COL3A1: variants seen among roughly 807,000 people sequenced by gnomAD.
COL3A1 encodes the protein collagen alpha-1(III) chain.
In COL3A1, 46 loss-of-function variants were observed where a neutral mutation model predicts 200.9. The ratio of observed to expected loss-of-function variants is 0.23; its 90% CI spans 0.18 to 0.29. The LOEUF (loss-of-function observed/expected upper bound fraction) is 0.29. Among genes scored for constraint, COL3A1 ranks in the 10% least tolerant of loss-of-function variants. COL3A1 has a pLI of 1.00. For synonymous variants in COL3A1, 650 were observed against 628.0 expected (o/e 1.03, Z -0.52); for missense variants, 1,367 against 1,917.6 (o/e 0.71, Z 5.36).
Position 189,011,800 on chromosome 2 carries a change from A to C in COL3A1, c.*26A>C, listed in dbSNP as rs532080916. 4 of 1,610,916 alleles carry C rather than the reference A, an allele frequency of 2.5e-6. No individual in the cohort carries two copies. The highest frequency in any genetic ancestry group is 1.7e-5 in the Admixed American group (1 of 59,938). Reference sequence around the variant, plus strand: ...ACCAAACTCTATCTGAAATCCCAACAAAAAAAATTTAACTCCATATGTGTT... The same window carrying C: ...ACCAAACTCTATCTGAAATCCCAACCAAAAAAATTTAACTCCATATGTGTT... On this transcript the variant is annotated 3_prime_UTR_variant, in exon 51 of 51. Coordinates refer to ENST00000304636, the MANE Select transcript of COL3A1 (RefSeq NM_000090.4).
Position 189,009,112 on chromosome 2 carries a change from C to G in COL3A1, c.3714C>G (p.Leu1238=), listed in dbSNP as rs1403603042. The G allele has an allele frequency of 1.2e-6, 2 of 1,614,144 alleles. No homozygotes were observed. Among genetic ancestry groups the G allele is most frequent in the Non-Finnish European group, 1.7e-6 (2 of 1,180,026 alleles). The part of the protein sequence containing the change: ...KINTDEIMTS[L]KSVNGQIESL... The stretch of plus-strand genomic sequence containing the variant: ...ACACCGATGAGATTATGACTTCACT[C>G]AAGTCTGTTAATGGACAAATAGAAA... Residue 1238 remains leucine (L), a synonymous_variant, in exon 48 of 51, where the codon CTC becomes CTG. Coordinates refer to ENST00000304636, the MANE Select transcript of COL3A1 (RefSeq NM_000090.4).
In COL3A1 at chr2:188,990,088, C is replaced by G. The variant is rs749433733; in HGVS notation, c.691-8C>G. The G allele has an allele frequency of 5.0e-6, 8 of 1,612,992 alleles. No homozygotes were observed. In the African/African-American group the frequency reaches 1.1e-4, roughly 22 times the overall value. ...GAGCACCTACGTATTCTTTATTTCT[C>G]TACCTAGGGAGAATCAGGTAGACCC... On this transcript the variant is annotated splice_region_variant and splice_polypyrimidine_tract_variant and intron_variant, in intron 8 of 50. Coordinates refer to ENST00000304636, the MANE Select transcript of COL3A1 (RefSeq NM_000090.4).
chr2:189,002,941 G>C lies in COL3A1; in HGVS notation c.2446-14G>C. 1 of 1,529,054 alleles carries C rather than the reference G, an allele frequency of 6.5e-7. No homozygotes were observed. The highest frequency in any genetic ancestry group is 8.9e-7 in the Non-Finnish European group (1 of 1,126,396). The allele number at this position is 1,529,054 out of a possible 1,614,324, so 94.7% of individuals were successfully genotyped here. On this transcript the variant is annotated splice_polypyrimidine_tract_variant and intron_variant, in intron 35 of 50. Coordinates refer to ENST00000304636, the MANE Select transcript of COL3A1 (RefSeq NM_000090.4). ...GAGTGTCAGCTGAGAGATTGCTGTT[G>C]TTGTTGCATGTAGGGACAGAATGGT... is the stretch of plus-strand genomic sequence containing the variant.
chr2:188,992,344 TCTCTA>T, intron 14 of COL3A1, 116 bp downstream of exon 14: 1 of 894,148 alleles, frequency 1.1e-6, no homozygotes, highest in Non-Finnish European at 1.8e-6. Context: ...CATATGTATA[TCTCTA>T]ATATACACAT....
rs184159112 is a variant in COL3A1, at chr2:189,003,098, T to C, written c.2553+36T>C. On this transcript the variant is annotated intron_variant, in intron 36 of 50. Coordinates refer to ENST00000304636, the MANE Select transcript of COL3A1 (RefSeq NM_000090.4). ...TCCTCTTTCTCTGTCTATCTATCTA[T>C]CATCTATCTATCTATTGATTATCTG... is the stretch of plus-strand genomic sequence containing the variant. 5.8e-5 allele frequency: 84 copies of C among 1,437,136 alleles called. No individual in the cohort carries two copies. The East Asian group carries it at 1.3e-3, about 22-fold the overall frequency. The allele number at this position is 1,437,136 out of a possible 1,614,324, so 89.0% of individuals were successfully genotyped here. A position where few individuals can be genotyped will look rare whatever the true frequency, so the allele number is the denominator to read the frequency against.
At chr2:189,009,321 T>C (rs938303403) in intron 48 of COL3A1, 100 bp downstream of exon 48, 1 of 1,410,932 alleles carries the variant, frequency 7.1e-7, no homozygotes, top group African/African-American at 1.4e-5. Flanking sequence ...AATGGAAAGC[T>C]GAAATAGTAC....
intron 1 of COL3A1, 95 bp downstream of exon 1, chr2:188,974,663 C>T (rs1206160614): frequency 1.0e-6 from 1 of 954,342 alleles, no homozygotes; most frequent in Non-Finnish European, 1.7e-6. Context: ...TTGCCTGATT[C>T]AAGATAATTT....
chr2:188,990,971 T>A, intron 10 of COL3A1, 33 bp from the exon 11 acceptor site: 2 of 1,602,422 alleles, frequency 1.2e-6, no homozygotes, highest in Non-Finnish European at 1.7e-6. Flanking sequence ...TTAACAGATT[T>A]TAATAATTTT....
At chr2:189,001,621 T>TTAACCCCA (rs766515149) in intron 34 of COL3A1, 32 bp downstream of exon 34, 1 of 1,613,054 alleles carries the variant, frequency 6.2e-7, no homozygotes, top group Non-Finnish European at 8.5e-7. Flanking sequence ...AACATACTTT[T>TTAACCCCA]TAACCCCATA....
intron 40 of COL3A1, 110 bp downstream of exon 40, chr2:189,004,474 G>C: frequency 1.0e-6 from 1 of 988,500 alleles, no homozygotes; most frequent in Non-Finnish European, 1.5e-6. Flanking sequence ...AAATTAGCCA[G>C]GAGATAATTT....
chr2:189,007,781 A>C (rs1214663139), intron 45 of COL3A1, 104 bp from the exon 46 acceptor site: 11 of 1,464,480 alleles, frequency 7.5e-6, no homozygotes, highest in Non-Finnish European at 1.1e-5. Flanking sequence ...AGAAAGAAAA[A>C]AAATTTCATC....
intron 31 of COL3A1, 67 bp downstream of exon 31, chr2:188,999,644 TC>T: frequency 6.6e-7 from 1 of 1,515,374 alleles, no homozygotes; most frequent in Non-Finnish European, 9.1e-7. Context: ...AAAGCAACAC[TC>T]CTGGAAAGTA....
At chr2:189,001,829 C>T (rs1415763748) in intron 34 of COL3A1, among the ~76,000 whole-genome samples, 2 of 152,084 alleles carry the variant, frequency 1.3e-5, no homozygotes, top group Admixed American at 1.3e-4. Context: ...GGAAAAAATA[C>T]ATGAATTGCA....
intron 31 of COL3A1, 69 bp downstream of exon 31, chr2:188,999,646 C>T (rs891057631): frequency 6.6e-7 from 1 of 1,507,228 alleles, no homozygotes; most frequent in Non-Finnish European, 9.2e-7. Flanking sequence ...AGCAACACTC[C>T]TGGAAAGTAA....
chr2:188,978,898 C>T (rs1687889178), intron 1 of COL3A1, among the ~76,000 whole-genome samples: 1 of 151,728 alleles, frequency 6.6e-6, no homozygotes, highest in Admixed American at 6.6e-5. Context: ...TTGTGAACTG[C>T]AGTTGGGGGA....
At chr2:188,993,107 A>G (rs1688223067) in intron 15 of COL3A1, among the ~76,000 whole-genome samples, 167 bp downstream of exon 15, 1 of 152,156 alleles carries the variant, frequency 6.6e-6, no homozygotes, top group South Asian at 2.1e-4. Context: ...TGTCCCTAGT[A>G]TTCAACTATC....
chr2:188,984,799 C>A lies in COL3A1; in HGVS notation c.119C>A (p.Ala40Glu), dbSNP rs201380807. 5 of 1,613,006 alleles carry A rather than the reference C, an allele frequency of 3.1e-6. No homozygotes were observed. Among genetic ancestry groups the A allele is most frequent in the African/African-American group, 2.7e-5 (2 of 74,924 alleles). The change falls in exon 2 of 51, where the codon GCG becomes GAG. Residue 40 changes from alanine (A) to glutamate (E), a missense_variant. Physicochemically the swap from Ala to Glu is moderately radical, Grantham distance 107 (BLOSUM62 -1). Around this residue, in one of 5 missense-constraint regions of COL3A1, gnomAD observed 55 missense variants for 51.5 expected, o/e 1.07. Coordinates refer to ENST00000304636, the MANE Select transcript of COL3A1 (RefSeq NM_000090.4). Reference sequence around the variant, plus strand: ...TGTTCCCATCTTGGTCAGTCCTATGCGGATAGAGATGTCTGGAAGCCAGAA... The same window carrying A: ...TGTTCCCATCTTGGTCAGTCCTATGAGGATAGAGATGTCTGGAAGCCAGAA... ...GGCSHLGQSYADRDVWKPEPC... is the reference protein window; with the variant it reads ...GGCSHLGQSYEDRDVWKPEPC...
chr2:188,999,639 A>T lies in COL3A1; in HGVS notation c.2229+62A>T. 5 of 1,545,164 alleles carry T rather than the reference A, an allele frequency of 3.2e-6. No homozygotes were observed. In the South Asian group the frequency reaches 4.5e-5, roughly 14 times the overall value. ...AGTCATTGTAGGTTTTAAAAAAAGC[A>T]ACACTCCTGGAAAGTAATCGACTGT... On this transcript the variant is annotated intron_variant, in intron 31 of 50. Coordinates refer to ENST00000304636, the MANE Select transcript of COL3A1 (RefSeq NM_000090.4).
intron 8 of COL3A1, among the ~76,000 whole-genome samples, 166 bp from the exon 9 acceptor site, chr2:188,989,930 G>A (rs1210645940): frequency 6.6e-6 from 1 of 152,110 alleles, no homozygotes; most frequent in Non-Finnish European, 1.5e-5. Context: ...AGTGGGAAAG[G>A]TCTTCCTCAT....
Sources: allele counts gnomAD v4.1 joint callset (sites outside exome capture counted in the v4.1 genomes callset), GRCh38; gene constraint gnomAD v4.1.1; regional missense constraint gnomAD v4.1.1; transcripts MANE v1.5; gene names NCBI Gene and HGNC (gene_info 2026-07-23, HGNC 2026-07-21).